MYH13: variants seen among roughly 807,000 people sequenced by gnomAD.
MYH13 encodes myosin heavy chain 13, also known as myosin-13.
MYH13 carries 177 observed loss-of-function variants against 232.1 expected under a neutral mutation model. The ratio of observed to expected loss-of-function variants is 0.76; its 90% confidence interval spans 0.67 to 0.86. The LOEUF (loss-of-function observed/expected upper bound fraction) is 0.86, where lower values mean the gene tolerates loss of function less well. MYH13 is among the 40% of genes least tolerant of loss of function. The pLI is 0.00. For missense variants in MYH13, 2,246 were observed against 2,405.9 expected, an observed-to-expected ratio of 0.93 and a Z score of 1.39; for synonymous variants, 884 against 923.5, an observed-to-expected ratio of 0.96 and a Z score of 0.78.
intron 11 of MYH13, among the ~76,000 whole-genome samples, chr17:10,354,081 T>A (rs1263220184): frequency 6.6e-6 from 1 of 152,210 alleles, no homozygotes; most frequent in African/African-American, 2.4e-5. Context: ...GAGACTATAA[T>A]GAGACAATGC....
At chr17:10,361,742 G>A (rs966226669) in intron 5 of MYH13, among the ~76,000 whole-genome samples, 1 of 152,240 alleles carries the variant, frequency 6.6e-6, no homozygotes, top group Admixed American at 6.5e-5. Context: ...GGGAGCCTGA[G>A]TTTGGGGAAG....
Position 10,364,483 on chromosome 17 carries a change from G to C in MYH13, c.48C>G (p.Tyr16Ter), listed in dbSNP as rs267604695. Reference sequence around the variant, plus strand: ...TTCTCTCCTTCTCTGGTTTCCGGAGGTAGGGAGCTGCTTCTCCAAAAATGG... The same window carrying C: ...TTCTCTCCTTCTCTGGTTTCCGGAGCTAGGGAGCTGCTTCTCCAAAAATGG... Reference protein sequence around the residue: ...EMAIFGEAAPYLRKPEKERIE... With the variant: ...EMAIFGEAAP Residue 16 changes from tyrosine to a stop codon, truncating the protein, a stop_gained, in exon 3 of 41, where the codon TAC becomes TAG. Coordinates refer to ENST00000252172, the MANE Select transcript of MYH13 (RefSeq NM_003802.3). LOFTEE classifies it high-confidence loss of function. The C allele has an allele frequency of 3.0e-5, 48 of 1,610,042 alleles. No homozygotes were observed. Among genetic ancestry groups the C allele is most frequent in the Non-Finnish European group, 3.8e-5 (45 of 1,178,124 alleles).
chr17:10,360,160 C>T lies in MYH13; in HGVS notation c.533+1G>A, dbSNP rs772695132. On this transcript the variant is annotated splice_donor_variant, in intron 6 of 40. Coordinates refer to ENST00000252172, the MANE Select transcript of MYH13 (RefSeq NM_003802.3). LOFTEE classifies it high-confidence loss of function. ...TGATGGTACAAAGAGGTGTTACTCA[C>T]GTGATGAGGATAGACTGGTTGTCTC... 8.1e-6 allele frequency: 13 copies of T among 1,613,778 alleles called. No individual in the cohort carries two copies. The highest frequency in any genetic ancestry group is 1.1e-5 in the South Asian group (1 of 91,056).
At chr17:10,355,403 C>T (rs1293773808) in intron 8 of MYH13, among the ~76,000 whole-genome samples, 1 of 152,156 alleles carries the variant, frequency 6.6e-6, no homozygotes, top group African/African-American at 2.4e-5. Flanking sequence ...CTTAGTATCC[C>T]TGGATTTCAG....
chr17:10,362,068 A>G (rs1349740609), intron 5 of MYH13, 50 bp downstream of exon 5: 2 of 1,612,466 alleles, frequency 1.2e-6, no homozygotes, highest in Admixed American at 1.7e-5. Flanking sequence ...AAAGCTTGAA[A>G]AATTAACTAA....
chr17:10,342,450 G>A (rs184626239), intron 16 of MYH13, among the ~76,000 whole-genome samples: 66 of 152,130 alleles, frequency 4.3e-4, no homozygotes, highest in Middle Eastern at 3.4e-3. Flanking sequence ...CCTAGGTACC[G>A]TATATATATA....
At chr17:10,339,460 G>A (rs2071604209) in intron 18 of MYH13, among the ~76,000 whole-genome samples, 1 of 152,198 alleles carries the variant, frequency 6.6e-6, no homozygotes, top group African/African-American at 2.4e-5. Context: ...ACTGTTGCAA[G>A]GATTCGAGGT....
chr17:10,323,935 G>A, intron 23 of MYH13, 87 bp downstream of exon 23: 2 of 1,526,066 alleles, frequency 1.3e-6, no homozygotes, highest in Non-Finnish European at 1.8e-6. Flanking sequence ...TATATTGACT[G>A]GACTCCTACG....
rs1034299208 is a variant in MYH13, at chr17:10,350,628, C to T, written c.1072G>A (p.Val358Met). 10 of 1,613,816 alleles carry T rather than the reference C, an allele frequency of 6.2e-6. No homozygotes were observed. The highest frequency in any genetic ancestry group is 7.6e-6 in the Non-Finnish European group (9 of 1,179,966). The change falls in exon 12 of 41, where the codon GTG becomes ATG. Residue 358 changes from valine (V) to methionine (M), a missense_variant. Coordinates refer to ENST00000252172, the MANE Select transcript of MYH13 (RefSeq NM_003802.3). The part of the protein sequence containing the change: ...KVGIYKLTGA[V>M]MHYGNMKFKQ... Reference sequence around the variant, plus strand: ...AACTTCATGTTCCCATAATGCATCACGGCTCCCGTCAGTTTGTAGATCCCG... The same window carrying T: ...AACTTCATGTTCCCATAATGCATCATGGCTCCCGTCAGTTTGTAGATCCCG...
At position 10,301,571 on chromosome 17, in the gene MYH13, G is replaced by T; in HGVS notation, c.5800C>A (p.Gln1934Lys). ...ATATCTCAGGTACCTGCTCTTACCT[G>T]GCTGCCCACGTCTCGGCTCTTGGCC... ...LRAKSRDVGS[Q>K]KMEE is the part of the protein sequence containing the mutation. Residue 1934 changes from glutamine (Q) to lysine (K), a missense_variant and splice_region_variant, in exon 40 of 41, where the codon CAG becomes AAG. By Grantham distance (53) the Gln-to-Lys change is moderately conservative (BLOSUM62 1). Transcript: ENST00000252172. 1.2e-6 allele frequency: 2 copies of T among 1,614,106 alleles called. No individual in the cohort carries two copies.
intron 23 of MYH13, among the ~76,000 whole-genome samples, chr17:10,322,248 A>C (rs63680061): frequency 2.1e-5 from 3 of 143,306 alleles, no homozygotes; most frequent in Non-Finnish European, 4.6e-5. Flanking sequence ...AAAAAAAAAA[A>C]TTAGCCAGGC....
chr17:10,369,797 T>G (rs2071865195), intron 2 of MYH13, among the ~76,000 whole-genome samples: 1 of 152,224 alleles, frequency 6.6e-6, no homozygotes. Context: ...CCTGCAATGG[T>G]GCATCTAACC....
chr17:10,318,744 G>A (rs2074872), intron 27 of MYH13, 46 bp downstream of exon 27: 622,846 of 1,605,652 alleles, frequency 0.39, 123,897 homozygotes, highest in Admixed American at 0.42. Context: ...GCAGGTGGCC[G>A]TCGGCTGCCT....
At chr17:10,336,724 A>C (rs988698027) in intron 18 of MYH13, among the ~76,000 whole-genome samples, 85 of 152,142 alleles carry the variant, frequency 5.6e-4, no homozygotes, top group African/African-American at 1.8e-3. Context: ...TACATTTTGA[A>C]GCCTGCTGAA....
intron 12 of MYH13, among the ~76,000 whole-genome samples, chr17:10,350,341 T>C (rs957563415): frequency 5.3e-5 from 8 of 152,192 alleles, no homozygotes; most frequent in Admixed American, 5.2e-4. Flanking sequence ...ACAAGAATGA[T>C]GCTTTTTGTT....
chr17:10,338,689 G>GTTTTTTT (rs757791680), intron 18 of MYH13, among the ~76,000 whole-genome samples: 17 of 108,778 alleles, frequency 1.6e-4, no homozygotes, highest in East Asian at 2.9e-4. Flanking sequence ...TTTTATCCTT[G>GTTTTTTT]TTTTTTTTTT....
Position 10,354,760 on chromosome 17 carries a change from G to T in MYH13, c.925C>A (p.Pro309Thr). 2.5e-6 allele frequency: 4 copies of T among 1,613,958 alleles called. No individual in the cohort carries two copies. Among genetic ancestry groups the T allele is most frequent in the Non-Finnish European group, 3.4e-6 (4 of 1,179,864 alleles). ...TGGCTCACGAAGGGGAAGTCGAAGG[G>T]GTTGGTGGAGATCAGAAGCAGGTCT... ...LIDLLLISTN[P>T]FDFPFVSQGE... Residue 309 changes from proline to threonine, a missense_variant, in exon 11 of 41, where the codon CCC becomes ACC. By Grantham distance (38) the Pro-to-Thr change is conservative. Coordinates refer to ENST00000252172, the MANE Select transcript of MYH13 (RefSeq NM_003802.3).
intron 22 of MYH13, 111 bp downstream of exon 22, chr17:10,327,755 T>A: frequency 7.3e-7 from 1 of 1,371,078 alleles, no homozygotes; most frequent in South Asian, 1.4e-5. Context: ...ACATGACCAC[T>A]GGGTGGCACC....
intron 22 of MYH13, among the ~76,000 whole-genome samples, 166 bp from the exon 23 acceptor site, chr17:10,324,430 C>T (rs1375689011): frequency 1.3e-5 from 2 of 152,108 alleles, no homozygotes; most frequent in African/African-American, 2.4e-5. Context: ...TGTACATAAA[C>T]TTAGATATCA....
Sources: gnomAD v4.1 joint callset for allele counts (sites outside exome capture counted in the v4.1 genomes callset) on GRCh38, gnomAD v4.1.1 for gene constraint, MANE v1.5 for transcripts, NCBI Gene and HGNC (gene_info 2026-07-23, HGNC 2026-07-21) for gene names.